Variants in ENPEP observed in about 807,000 individuals in gnomAD.
The protein encoded by ENPEP is glutamyl aminopeptidase.
Under a neutral mutation model 114.5 loss-of-function variants are expected in ENPEP, and 103 were observed. That is an observed-to-expected ratio of 0.90 (90% confidence interval 0.77 to 1.06). ENPEP has a LOEUF of 1.06. Ranked by LOEUF, ENPEP falls within the 50% of genes least tolerant of loss-of-function variation. The pLI is 0.00. For synonymous variants in ENPEP, 420 were observed against 422.0 expected, an observed-to-expected ratio of 1.00 and a Z score of 0.06; for missense variants, 1,196 against 1,161.3, an observed-to-expected ratio of 1.03 and a Z score of -0.43.
chr4:110,505,570 T>C (rs1031769272), intron 3 of ENPEP, among the ~76,000 whole-genome samples: 1 of 152,216 alleles, frequency 6.6e-6, no homozygotes, highest in East Asian at 1.9e-4. Context: ...ATACCAAAAC[T>C]AGCAACGCAT....
At chr4:110,516,995 G>A in intron 8 of ENPEP, among the ~76,000 whole-genome samples, 1 of 152,100 alleles carries the variant, frequency 6.6e-6, no homozygotes, top group East Asian at 1.9e-4. Flanking sequence ...CAAGGCTGGA[G>A]TGCAGTGGCG....
chr4:110,506,669 C>T lies in ENPEP; in HGVS notation c.951C>T (p.His317=). Residue 317 remains histidine (H), a synonymous_variant, in exon 4 of 20, where the codon CAC becomes CAT. Transcript: ENST00000265162. ...TTTATGTCCAGCCAGAGCAAAAGCA[C>T]ACAGCCGAATATGCTGCAAACATAA... ...LTIYVQPEQK[H]TAEYAANITK... 1 of 1,611,026 alleles carries T rather than the reference C, an allele frequency of 6.2e-7. No individual in the cohort carries two copies. The highest frequency in any genetic ancestry group is 8.5e-7 in the Non-Finnish European group (1 of 1,178,582).
intron 1 of ENPEP, among the ~76,000 whole-genome samples, chr4:110,483,252 C>A (rs1470213868): frequency 6.6e-6 from 1 of 152,072 alleles, no homozygotes; most frequent in Non-Finnish European, 1.5e-5. Context: ...CCAAGCTGCT[C>A]CTCTATGTAA....
At chr4:110,560,261 A>G (rs1727634527) in intron 19 of ENPEP, among the ~76,000 whole-genome samples, 1 of 152,208 alleles carries the variant, frequency 6.6e-6, no homozygotes, top group East Asian at 1.9e-4. Context: ...CTACATGTGC[A>G]TGTGTCTTTA....
At chr4:110,557,120 G>A (rs746152466) in intron 18 of ENPEP, among the ~76,000 whole-genome samples, 5 of 152,134 alleles carry the variant, frequency 3.3e-5, no homozygotes, top group Non-Finnish European at 5.9e-5. Context: ...AAGATCTGAT[G>A]GTTTAAGTGA....
intron 1 of ENPEP, among the ~76,000 whole-genome samples, chr4:110,483,031 T>G (rs1316234382): frequency 6.6e-6 from 1 of 152,104 alleles, no homozygotes; most frequent in Non-Finnish European, 1.5e-5. Flanking sequence ...AAAGAATACA[T>G]TTTCTTTTTG....
At chr4:110,481,954 A>C (rs1363689368) in intron 1 of ENPEP, among the ~76,000 whole-genome samples, 1 of 152,208 alleles carries the variant, frequency 6.6e-6, no homozygotes, top group Non-Finnish European at 1.5e-5. Context: ...GAAAGGCACC[A>C]AGTCAGAAAA....
rs376013748 is a variant in ENPEP at position 110,476,825 on chromosome 4, G to C, written c.411G>C (p.Arg137=). The C allele has an allele frequency of 4.0e-5, 65 of 1,614,114 alleles. No individual in the cohort carries two copies. The Middle Eastern group carries it at 9.9e-4, about 25-fold the overall frequency. The change falls in exon 1 of 20, where the codon CGG becomes CGC. Residue 137 remains arginine, a synonymous_variant. Transcript: ENST00000265162. Reference sequence around the variant, plus strand: ...CCCGGTACCTGTGGCTGCACCTCCGGGAGACCAGGATCACCCGGCTCCCGG... The same window carrying C: ...CCCGGTACCTGTGGCTGCACCTCCGCGAGACCAGGATCACCCGGCTCCCGG... The part of the protein sequence containing the change: ...APTRYLWLHL[R]ETRITRLPEL...
chr4:110,502,826 G>A (rs1197834202), intron 3 of ENPEP, among the ~76,000 whole-genome samples: 2 of 152,016 alleles, frequency 1.3e-5, no homozygotes, highest in Non-Finnish European at 2.9e-5. Context: ...TTGTTTGATA[G>A]GAACACCACT....
intron 13 of ENPEP, among the ~76,000 whole-genome samples, chr4:110,546,872 G>A (rs1727088849): frequency 6.6e-6 from 1 of 152,062 alleles, no homozygotes; most frequent in African/African-American, 2.4e-5. Flanking sequence ...TCAGTTGAGT[G>A]ACTAGACAGC....
rs1289847614 is a variant in ENPEP, at chr4:110,509,680, CT to C, written c.1068del (p.Gly357ValfsTer48). ...LDKIAIPDFGTGAMENWGLIT... is the reference protein window; with the variant it reads ...LDKIAIPDFGXGAMENWGLIT... ...AAAATCGCTATTCCAGATTTTGGCA[CT>C]GGTGCCATGGAGAACTGGGGACTCA... On this transcript the variant is annotated frameshift_variant, in exon 5 of 20. Coordinates refer to ENST00000265162, the MANE Select transcript of ENPEP (RefSeq NM_001977.4). LOFTEE classifies it high-confidence loss of function. 6.2e-7 allele frequency: 1 copy of C among 1,613,276 alleles called. No homozygotes were observed. Among genetic ancestry groups the C allele is most frequent in the East Asian group, 2.2e-5 (1 of 44,852 alleles).
In ENPEP at chr4:110,506,624, T is replaced by G. The variant is rs1312134871; in HGVS notation, c.919-13T>G. On this transcript the variant is annotated splice_polypyrimidine_tract_variant and intron_variant, in intron 3 of 19. Transcript: ENST00000265162. ...AATAATTTTCACTGAATTTTTTGTGTTTTGTTTAATAGCTTACAATTTATG... is the reference window on the plus strand; with the variant it reads ...AATAATTTTCACTGAATTTTTTGTGGTTTGTTTAATAGCTTACAATTTATG... 1 of 1,580,190 alleles carries G rather than the reference T, an allele frequency of 6.3e-7. No individual in the cohort carries two copies. The highest frequency in any genetic ancestry group is 8.6e-7 in the Non-Finnish European group (1 of 1,165,672).
intron 11 of ENPEP, among the ~76,000 whole-genome samples, chr4:110,534,944 G>A (rs1237470420): frequency 1.3e-5 from 2 of 152,034 alleles, no homozygotes; most frequent in Admixed American, 1.3e-4. Flanking sequence ...TTTAATGAAG[G>A]GTTGTTTGCC....
chr4:110,529,410 T>C (rs186072135), intron 10 of ENPEP, among the ~76,000 whole-genome samples: 61 of 152,266 alleles, frequency 4.0e-4, no homozygotes, highest in Admixed American at 7.2e-4. Flanking sequence ...AATGATCATG[T>C]GTGTGAAAGT....
At chr4:110,488,467 C>T in intron 1 of ENPEP, 74 bp from the exon 2 acceptor site, 6 of 1,416,024 alleles carry the variant, frequency 4.2e-6, no homozygotes, top group Non-Finnish European at 4.6e-6. Flanking sequence ...TTTTTTTTTC[C>T]CCTAGGAATA....
intron 18 of ENPEP, among the ~76,000 whole-genome samples, chr4:110,554,366 A>G (rs934135225): frequency 6.6e-6 from 1 of 151,990 alleles, no homozygotes; most frequent in Non-Finnish European, 1.5e-5. Flanking sequence ...CCAGAGTGCT[A>G]TTATGTCCAT....
rs768810412 is a variant in ENPEP, at chr4:110,549,722, C to T, written c.2337C>T (p.Pro779=). The T allele has an allele frequency of 8.7e-6, 14 of 1,612,692 alleles. 1 individual carries two copies. The highest frequency in any genetic ancestry group is 3.3e-5 in the South Asian group (3 of 91,002). Residue 779 remains proline, a synonymous_variant, in exon 17 of 20, where the codon CCC becomes CCT. Coordinates refer to ENST00000265162, the MANE Select transcript of ENPEP (RefSeq NM_001977.4). ...EQWLNGTVSL[P]VNLRLLVYRY... ...ACACTGTTTCTTCTTCTAGCCTTCCCGTAAATCTCAGGCTTCTGGTGTATC... is the reference window on the plus strand; with the variant it reads ...ACACTGTTTCTTCTTCTAGCCTTCCTGTAAATCTCAGGCTTCTGGTGTATC...
intron 4 of ENPEP, among the ~76,000 whole-genome samples, chr4:110,508,699 T>C (rs1725464454): frequency 6.6e-6 from 1 of 151,850 alleles, no homozygotes; most frequent in Non-Finnish European, 1.5e-5. Flanking sequence ...TAGTCCCAGC[T>C]ACTCAGGAGG....
At chr4:110,494,388 T>G (rs1027801505) in intron 3 of ENPEP, among the ~76,000 whole-genome samples, 6 of 152,224 alleles carry the variant, frequency 3.9e-5, no homozygotes, top group African/African-American at 1.4e-4. Flanking sequence ...AAATAAAAAA[T>G]GAAGCCATGT....
Sources: allele counts gnomAD v4.1 joint callset (sites outside exome capture counted in the v4.1 genomes callset), GRCh38; gene constraint gnomAD v4.1.1; transcripts MANE v1.5; gene names NCBI Gene and HGNC (gene_info 2026-07-23, HGNC 2026-07-21).